The following TGFBR3 variants were observed in gnomAD, a reference collection of about 807,000 sequenced individuals.
TGFBR3 encodes the protein transforming growth factor beta receptor 3.
In TGFBR3, 46 loss-of-function variants were observed where a neutral mutation model predicts 87.9. The ratio of observed to expected loss-of-function variants is 0.52; its 90% confidence interval spans 0.41 to 0.67. TGFBR3 has a LOEUF of 0.67. Among genes scored for constraint, TGFBR3 ranks in the 30% least tolerant of loss-of-function variants. The pLI is 0.00. For synonymous variants in TGFBR3, 381 were observed against 391.6 expected, an observed-to-expected ratio of 0.97 and a Z score of 0.32; for missense variants, 866 against 1,041.9, an observed-to-expected ratio of 0.83 and a Z score of 2.32.
intron 2 of TGFBR3, among the ~76,000 whole-genome samples, chr1:91,811,161 A>G (rs1369411454): frequency 6.6e-6 from 1 of 152,162 alleles, no homozygotes; most frequent in Non-Finnish European, 1.5e-5. Context: ...AGATTAAAAA[A>G]TTAGCCAGGC....
intron 16 of TGFBR3, among the ~76,000 whole-genome samples, chr1:91,693,235 T>C (rs1043784444): frequency 2.0e-5 from 3 of 152,206 alleles, no homozygotes; most frequent in African/African-American, 7.2e-5. Context: ...TAAAAAGTAA[T>C]TTTGAAGCTG....
intron 13 of TGFBR3, among the ~76,000 whole-genome samples, chr1:91,710,058 A>G (rs763339141): frequency 6.6e-6 from 1 of 152,220 alleles, no homozygotes; most frequent in Non-Finnish European, 1.5e-5. Context: ...CCTAATAGGT[A>G]TAACTCTAAA....
intron 4 of TGFBR3, among the ~76,000 whole-genome samples, chr1:91,741,704 A>C (rs1406759078): frequency 6.6e-6 from 1 of 152,092 alleles, no homozygotes; most frequent in Non-Finnish European, 1.5e-5. Flanking sequence ...GGGTTGGAGG[A>C]GCTGTGTGCC....
intron 6 of TGFBR3, among the ~76,000 whole-genome samples, chr1:91,728,440 C>A (rs1209483167): frequency 2.0e-5 from 3 of 152,220 alleles, no homozygotes; most frequent in East Asian, 1.9e-4. Flanking sequence ...AGATGGTCAA[C>A]CAAGTGATTA....
chr1:91,682,404 CTTT>C lies in TGFBR3; in HGVS notation c.*1332_*1334del, dbSNP rs59188054. The C allele has an allele frequency of 3.0e-3, 1,018 of 342,270 alleles. No homozygotes were observed. The highest frequency in any genetic ancestry group is 3.2e-3 in the Admixed American group (83 of 25,632). The allele number at this position is 342,270 out of a possible 1,614,324, so 21.2% of individuals were successfully genotyped here. ...AGCATGATAATTCCCCCCTGGCATT[CTTT>C]TTTTTTTTTTTTTTTTTTAACAAGG... On this transcript the variant is annotated 3_prime_UTR_variant, in exon 17 of 17. Coordinates refer to ENST00000212355, the MANE Select transcript of TGFBR3 (RefSeq NM_003243.5).
At chr1:91,796,590 A>C (rs1675391513) in intron 3 of TGFBR3, among the ~76,000 whole-genome samples, 1 of 152,256 alleles carries the variant, frequency 6.6e-6, no homozygotes, top group African/African-American at 2.4e-5. Flanking sequence ...ATCCTGCAGA[A>C]GCAATAAGTT....
intron 2 of TGFBR3, among the ~76,000 whole-genome samples, chr1:91,851,275 C>T (rs1677720838): frequency 1.3e-5 from 2 of 152,142 alleles, no homozygotes; most frequent in African/African-American, 4.8e-5. Flanking sequence ...TAGAATTCCA[C>T]CTGATTGACA....
At chr1:91,853,208 T>C (rs1255552461) in intron 2 of TGFBR3, among the ~76,000 whole-genome samples, 1 of 96,994 alleles carries the variant, frequency 1.0e-5, no homozygotes, top group East Asian at 2.9e-4. Context: ...CTAAAAACAA[T>C]AATAATCACA....
At chr1:91,764,317 C>CAAAAAAAAAAAAAAAA (rs200776741) in intron 3 of TGFBR3, among the ~76,000 whole-genome samples, 32 of 77,316 alleles carry the variant, frequency 4.1e-4, no homozygotes, top group Non-Finnish European at 5.9e-4. Context: ...ACAAAAGAGA[C>CAAAAAAAAAAAAAAAA]AAAAAAAAAA....
chr1:91,857,938 C>T (rs941468004), intron 2 of TGFBR3, among the ~76,000 whole-genome samples: 2 of 152,162 alleles, frequency 1.3e-5, no homozygotes, highest in African/African-American at 4.8e-5. Flanking sequence ...TCTTTCCAAA[C>T]AAATGATTTC....
intron 16 of TGFBR3, among the ~76,000 whole-genome samples, chr1:91,687,266 C>A (rs1233479665): frequency 1.3e-5 from 2 of 152,162 alleles, no homozygotes; most frequent in African/African-American, 4.8e-5. Flanking sequence ...CTGCAGTGAG[C>A]TATGATCTCA....
At chr1:91,795,852 A>C (rs2101002170) in intron 3 of TGFBR3, among the ~76,000 whole-genome samples, 1 of 152,304 alleles carries the variant, frequency 6.6e-6, no homozygotes, top group South Asian at 2.1e-4. Flanking sequence ...GAGTATTAAC[A>C]ATAATTTCCA....
chr1:91,747,627 G>A (rs554563768), intron 4 of TGFBR3, among the ~76,000 whole-genome samples: 3 of 152,310 alleles, frequency 2.0e-5, no homozygotes, highest in East Asian at 1.9e-4. Flanking sequence ...ATATGTCAAC[G>A]TATCTAGGCC....
rs1671492210 is a variant in TGFBR3, at chr1:91,698,078, T to A, written c.2329+11A>T. 6.2e-7 allele frequency: 1 copy of A among 1,613,536 alleles called. No individual in the cohort carries two copies. Among genetic ancestry groups the A allele is most frequent in the Non-Finnish European group, 8.5e-7 (1 of 1,179,546 alleles). ...GAGGTTTTATTTCGAAATAGTTGCA[T>A]AAAGACTTACGTGGAGAAATTGGAT... On this transcript the variant is annotated intron_variant, in intron 15 of 16. Transcript: ENST00000212355.
rs1426545242 is a variant in TGFBR3 at position 91,712,490 on chromosome 1, A to C, written c.1919T>G (p.Phe640Cys). 1 of 1,614,228 alleles carries C rather than the reference A, an allele frequency of 6.2e-7. No individual in the cohort carries two copies. The highest frequency in any genetic ancestry group is 2.2e-5 in the East Asian group (1 of 44,878). ...QELGFAIQTC[F>C]ISPYSNPDRM... The stretch of plus-strand genomic sequence containing the variant: ...ATCAGGGTTCGAATATGGAGAGATA[A>C]AGCACGTTTGGATGGCAAATCCCAG... Residue 640 changes from phenylalanine to cysteine, a missense_variant, in exon 13 of 17, where the codon TTT (phenylalanine) becomes TGT (cysteine). Phe to Cys is a radical substitution (Grantham distance 205). Coordinates refer to ENST00000212355, the MANE Select transcript of TGFBR3 (RefSeq NM_003243.5).
chr1:91,742,661 G>A (rs1267188338), intron 4 of TGFBR3, among the ~76,000 whole-genome samples: 3 of 152,138 alleles, frequency 2.0e-5, no homozygotes, highest in African/African-American at 4.8e-5. Context: ...ATGTCTTCCT[G>A]TGGGAATGAA....
intron 2 of TGFBR3, among the ~76,000 whole-genome samples, chr1:91,892,340 C>T (rs1411480012): frequency 1.3e-5 from 2 of 149,006 alleles, no homozygotes; most frequent in African/African-American, 5.2e-5. Context: ...ACCTCCACAA[C>T]ACTCTGCAGA....
At chr1:91,818,895 CA>C (rs1309414517) in intron 2 of TGFBR3, among the ~76,000 whole-genome samples, 28 of 152,308 alleles carry the variant, frequency 1.8e-4, no homozygotes, top group African/African-American at 6.5e-4. Context: ...TTTTCTTCCT[CA>C]AATACACTTG....
chr1:91,846,208 T>C (rs1481564237), intron 2 of TGFBR3, among the ~76,000 whole-genome samples: 1 of 152,220 alleles, frequency 6.6e-6, no homozygotes, highest in African/African-American at 2.4e-5. Context: ...CTAATCTCTG[T>C]ACCGTCTCTC....
Sources: allele counts gnomAD v4.1 joint callset (sites outside exome capture counted in the v4.1 genomes callset), GRCh38; gene constraint gnomAD v4.1.1; transcripts MANE v1.5; gene names NCBI Gene and HGNC (gene_info 2026-07-23, HGNC 2026-07-21).